ERCC6: variants seen among roughly 807,000 people sequenced by gnomAD.
The protein encoded by ERCC6 is DNA excision repair protein ERCC-6.
ERCC6 carries 116 observed loss-of-function variants against 158.7 expected under a neutral mutation model. The ratio of observed to expected loss-of-function variants is 0.73; its 90% confidence interval spans 0.63 to 0.85. ERCC6 has a LOEUF of 0.85. ERCC6 is among the 40% of genes least tolerant of loss of function. ERCC6 has a pLI of 0.00. For missense variants in ERCC6, 1,698 were observed against 1,799.4 expected (o/e 0.94, Z 1.02); for synonymous variants, 678 against 659.3 (o/e 1.03, Z -0.43).
At position 49,476,310 on chromosome 10, in the gene ERCC6, C is replaced by T. The variant is rs1434548237; in HGVS notation, c.2287G>A (p.Val763Ile). ...TCATCTGTAAGACGGCAAAATAAGA[C>T]CTACGGACGGGAAAAACAAGGAAAC... ...SLSLPDKNEQ[V>I]LFCRLTDEQH... Residue 763 changes from valine (V) to isoleucine (I), a missense_variant and splice_region_variant, in exon 12 of 21, where the codon GTC (valine) becomes ATC (isoleucine). By Grantham distance (29) the Val-to-Ile change is conservative (BLOSUM62 3). Coordinates refer to ENST00000355832, the MANE Select transcript of ERCC6 (RefSeq NM_000124.4). The T allele has an allele frequency of 1.9e-6, 3 of 1,608,444 alleles. No homozygotes were observed. Among genetic ancestry groups the T allele is most frequent in the Admixed American group, 1.7e-5 (1 of 59,888 alleles).
intron 4 of ERCC6, 170 bp from the exon 5 acceptor site, chr10:49,524,947 C>A: frequency 1.4e-6 from 2 of 1,451,126 alleles, no homozygotes; most frequent in Non-Finnish European, 1.8e-6. Flanking sequence ...AAAATTATAG[C>A]ATCATGCTAT....
At chr10:49,503,521 G>C (rs900700296) in intron 6 of ERCC6, 8 of 152,082 alleles carry the variant, frequency 5.3e-5, no homozygotes, top group Non-Finnish European at 8.8e-5. Flanking sequence ...AAGGCCCTCA[G>C]ATGGTATTTA....
At chr10:49,470,110 T>G in intron 18 of ERCC6, 72 bp downstream of exon 18, 1 of 1,354,472 alleles carries the variant, frequency 7.4e-7, no homozygotes, top group Non-Finnish European at 1.1e-6. Context: ...AGTTAAAGAC[T>G]GCTACTGCTA....
At position 49,530,836 on chromosome 10, in the gene ERCC6, A is replaced by G. The variant is rs1590488296; in HGVS notation, c.427T>C (p.Cys143Arg). 2 of 1,613,372 alleles carry G rather than the reference A, an allele frequency of 1.2e-6. No homozygotes were observed. Among genetic ancestry groups the G allele is most frequent in the African/African-American group, 1.3e-5 (1 of 75,042 alleles). ...YRSVLDDLTS[C>R]TTSLRQINKI... ...TTGATTTGCCTTAGGGATGTCGTAC[A>G]TGACCTGAAAAATAAGATAAATTGT... The change falls in exon 3 of 21, where the codon TGT (cysteine) becomes CGT (arginine). Residue 143 changes from cysteine (C) to arginine (R), a missense_variant. Coordinates refer to ENST00000355832, the MANE Select transcript of ERCC6 (RefSeq NM_000124.4).
chr10:49,506,900 C>T (rs1337000314), intron 5 of ERCC6, among the ~76,000 whole-genome samples: 1 of 150,640 alleles, frequency 6.6e-6, no homozygotes, highest in East Asian at 1.9e-4. Flanking sequence ...CTGAATTTCA[C>T]AAAATGGTGG....
the ERCC6 span, among the ~76,000 whole-genome samples, chr10:49,438,142 AG>A: frequency 1.3e-5 from 2 of 152,322 alleles, no homozygotes; most frequent in South Asian, 2.1e-4. Context: ...TGTGGACCCC[AG>A]GGACAGCGAT....
At chr10:49,437,041 T>C in the ERCC6 span, among the ~76,000 whole-genome samples, 3 of 152,292 alleles carry the variant, frequency 2.0e-5, no homozygotes, top group Non-Finnish European at 2.9e-5. Flanking sequence ...TGAGAGATGA[T>C]TGAATCATGG....
At chr10:49,495,382 C>T (rs1851249795) in intron 7 of ERCC6, among the ~76,000 whole-genome samples, 1 of 152,148 alleles carries the variant, frequency 6.6e-6, no homozygotes, top group African/African-American at 2.4e-5. Context: ...TGTCATTCCT[C>T]TCCTCCACTC....
intron 12 of ERCC6, among the ~76,000 whole-genome samples, chr10:49,475,858 T>C (rs190997340): frequency 1.4e-4 from 22 of 152,286 alleles, no homozygotes; most frequent in Admixed American, 3.3e-4. Flanking sequence ...CCACAAGATA[T>C]ATAATTCTGG....
intron 7 of ERCC6, among the ~76,000 whole-genome samples, chr10:49,495,527 T>C (rs560592811): frequency 6.6e-6 from 1 of 152,244 alleles, no homozygotes; most frequent in South Asian, 2.1e-4. Flanking sequence ...CAAATCTAAG[T>C]CTCCAGCCCA....
At chr10:49,451,811 C>T (rs956261393), downstream of ERCC6, among the ~76,000 whole-genome samples, 2 of 152,116 alleles carry the variant, frequency 1.3e-5, no homozygotes, top group Non-Finnish European at 2.9e-5. Context: ...AGAATAATTG[C>T]TATAATTTAT....
At chr10:49,509,368 T>C (rs546047426) in intron 5 of ERCC6, among the ~76,000 whole-genome samples, 4 of 152,196 alleles carry the variant, frequency 2.6e-5, no homozygotes, top group Non-Finnish European at 5.9e-5. Context: ...GCAAGTTACG[T>C]ATGTGGCCCA....
intron 12 of ERCC6, chr10:49,475,551 C>A (rs954863996): frequency 8.7e-6 from 3 of 346,326 alleles, no homozygotes; most frequent in African/African-American, 2.1e-5. Context: ...GTTAAAAGAA[C>A]TGAAATGACC....
intron 2 of ERCC6, among the ~76,000 whole-genome samples, 195 bp from the exon 3 acceptor site, chr10:49,531,035 G>A (rs41563016): frequency 2.1e-3 from 313 of 152,312 alleles, no homozygotes; most frequent in Middle Eastern, 0.02. Context: ...ATGACTGCTA[G>A]TGTTTTCTTT....
At chr10:49,480,215 T>G (rs1179385941) in intron 10 of ERCC6, among the ~76,000 whole-genome samples, 4 of 152,142 alleles carry the variant, frequency 2.6e-5, no homozygotes, top group Non-Finnish European at 5.9e-5. Context: ...GAGTCATCCC[T>G]TCTCCGAGAA....
chr10:49,461,296 T>C (rs569356037), intron 19 of ERCC6, 56 bp downstream of exon 19: 1 of 1,555,240 alleles, frequency 6.4e-7, no homozygotes, highest in East Asian at 2.2e-5. Flanking sequence ...CCTGATTTTA[T>C]TTCTAGCCTT....
intron 6 of ERCC6, 149 bp downstream of exon 6, chr10:49,505,735 T>C: frequency 1.2e-6 from 1 of 825,270 alleles, no homozygotes; most frequent in Non-Finnish European, 1.9e-6. Context: ...AGCACGTGGC[T>C]ATAATTTCAT....
At chr10:49,475,829 T>C (rs1850866940) in intron 12 of ERCC6, among the ~76,000 whole-genome samples, 2 of 152,220 alleles carry the variant, frequency 1.3e-5, no homozygotes, top group Non-Finnish European at 2.9e-5. Flanking sequence ...ATGAAAGTTA[T>C]GAATCCTCAT....
At chr10:49,518,027 A>T (rs983869252) in intron 5 of ERCC6, among the ~76,000 whole-genome samples, 3 of 152,244 alleles carry the variant, frequency 2.0e-5, no homozygotes, top group Non-Finnish European at 4.4e-5. Flanking sequence ...CCACATTGTG[A>T]GTTGGCCTTT....
Sources: gnomAD v4.1 joint callset for allele counts (sites outside exome capture counted in the v4.1 genomes callset) on GRCh38, gnomAD v4.1.1 for gene constraint, MANE v1.5 for transcripts, NCBI Gene and HGNC (gene_info 2026-07-23, HGNC 2026-07-21) for gene names.